ANGPTL5: variants seen among roughly 807,000 people sequenced by gnomAD.
ANGPTL5 encodes the protein angiopoietin-related protein 5.
A neutral mutation model predicts 39.4 loss-of-function variants in ANGPTL5; 34 were observed. The observed-to-expected ratio is 0.86, with a 90% confidence interval of 0.66 to 1.15. ANGPTL5 has a LOEUF of 1.15. Among genes scored for constraint, ANGPTL5 ranks in the 50% most tolerant of loss-of-function variants. The pLI is 0.00. For synonymous variants in ANGPTL5, 146 were observed against 152.1 expected (o/e 0.96, Z 0.29); for missense variants, 467 against 457.5 (o/e 1.02, Z -0.19).
chr11:101,915,506 G>A, intron 1 of ANGPTL5: 1 of 1,462,842 alleles, frequency 6.8e-7, no homozygotes, highest in Non-Finnish European at 9.3e-7. Context: ...GACGCAGGGT[G>A]ATCAAAACTA....
intron 3 of ANGPTL5, among the ~76,000 whole-genome samples, chr11:101,906,738 T>C (rs1325552782): frequency 6.6e-6 from 1 of 152,110 alleles, no homozygotes; most frequent in Non-Finnish European, 1.5e-5. Flanking sequence ...CATTAAAAAA[T>C]CTTGATATTT....
At chr11:101,896,642 T>C (rs1939802155) in intron 7 of ANGPTL5, among the ~76,000 whole-genome samples, 1 of 152,174 alleles carries the variant, frequency 6.6e-6, no homozygotes, top group Non-Finnish European at 1.5e-5. Context: ...TTGCTGAGAA[T>C]GACGGTTTCT....
Position 101,907,999 on chromosome 11 carries a change from C to T in ANGPTL5, c.-90G>A. ...AGAGCATAGAGTCTTCAGTTAAAAA[C>T]CTCTGGAAAGCGTACAACAAAAACA... On this transcript the variant is annotated splice_region_variant and 5_prime_UTR_variant, in exon 2 of 9. Coordinates refer to ENST00000334289, the MANE Select transcript of ANGPTL5 (RefSeq NM_178127.5). 1 of 965,896 alleles carries T rather than the reference C, an allele frequency of 1.0e-6. No individual in the cohort carries two copies. The highest frequency in any genetic ancestry group is 1.6e-6 in the Non-Finnish European group (1 of 617,480). The allele number at this position is 965,896 out of a possible 1,614,324, so 59.8% of individuals were successfully genotyped here.
rs1476886522 is a variant in ANGPTL5, at chr11:101,899,020, T to C, written c.661+1410A>G. Reference sequence around the variant, plus strand: ...AACTTGATCATGGTGGATAAGCTTTTTAATGTGCTGCTGGATTCAGTTTTC... The same window carrying C: ...AACTTGATCATGGTGGATAAGCTTTCTAATGTGCTGCTGGATTCAGTTTTC... On this transcript the variant is annotated intron_variant, in intron 7 of 8. Transcript: ENST00000334289. Among the ~76,000 whole-genome samples the C allele has an allele frequency of 2.0e-5, 3 of 152,358 alleles. No individual in the cohort carries two copies. The South Asian group carries it at 6.2e-4, about 32-fold the overall frequency.
At chr11:101,900,619 TG>T (rs1310528286) in intron 6 of ANGPTL5, 69 bp from the exon 7 acceptor site, 2 of 1,523,458 alleles carry the variant, frequency 1.3e-6, no homozygotes, top group Non-Finnish European at 1.8e-6. Context: ...ATAACACTCA[TG>T]CTTCATCCTT....
intron 1 of ANGPTL5, chr11:101,915,237 A>C (rs765313268): frequency 4.4e-6 from 7 of 1,608,378 alleles, no homozygotes; most frequent in Non-Finnish European, 5.9e-6. Flanking sequence ...CGGAGCTGCC[A>C]TGAGGGAGGT....
At chr11:101,906,145 C>T (rs1363144551) in intron 3 of ANGPTL5, among the ~76,000 whole-genome samples, 6 of 152,044 alleles carry the variant, frequency 3.9e-5, no homozygotes, top group Admixed American at 3.9e-4. Flanking sequence ...TAAATTCTCA[C>T]TTTATAAGAT....
intron 1 of ANGPTL5, among the ~76,000 whole-genome samples, chr11:101,909,221 A>G (rs563726792): frequency 5.9e-5 from 9 of 152,318 alleles, no homozygotes; most frequent in African/African-American, 2.2e-4. Flanking sequence ...ACCACCTACT[A>G]TTTAAACCCA....
rs749530810 is a variant in ANGPTL5, at chr11:101,894,905, T to C, written c.821A>G (p.His274Arg). The C allele has an allele frequency of 3.1e-6, 5 of 1,613,394 alleles. No individual in the cohort carries two copies. Among genetic ancestry groups the C allele is most frequent in the Non-Finnish European group, 2.5e-6 (3 of 1,179,512 alleles). ...LEDETRFFKM[H>R]LGRYSGNAGD... ...AGCATTTCCTGAATACCGTCCTAAG[T>C]GCATTTTAAAAAATCTCGTTTCATC... Residue 274 changes from histidine (H) to arginine (R), a missense_variant, in exon 8 of 9, where the codon CAC becomes CGC. Transcript: ENST00000334289.
At chr11:101,909,007 T>G (rs1412736410) in intron 1 of ANGPTL5, among the ~76,000 whole-genome samples, 1 of 152,148 alleles carries the variant, frequency 6.6e-6, no homozygotes, top group East Asian at 1.9e-4. Context: ...GTCTTCATTA[T>G]TCTAAAATTA....
intron 7 of ANGPTL5, among the ~76,000 whole-genome samples, chr11:101,896,133 A>C (rs1360894080): frequency 6.6e-6 from 1 of 151,658 alleles, no homozygotes; most frequent in Admixed American, 6.6e-5. Flanking sequence ...TTTAAGACTT[A>C]AAAATACATT....
At chr11:101,914,062 C>G (rs963235806) in intron 1 of ANGPTL5, among the ~76,000 whole-genome samples, 12 of 152,160 alleles carry the variant, frequency 7.9e-5, no homozygotes, top group Admixed American at 7.9e-4. Flanking sequence ...TCATTGCAAC[C>G]AAGTTTGCAA....
chr11:101,904,746 G>T lies in ANGPTL5; in HGVS notation c.439+68C>A, dbSNP rs146394142. On this transcript the variant is annotated intron_variant, in intron 5 of 8. Coordinates refer to ENST00000334289, the MANE Select transcript of ANGPTL5 (RefSeq NM_178127.5). ...TTTAAATAAAACTTTTAAATGGATC[G>T]ACCTGTCCAGGAAAATTTTAAGCAA... is the stretch of plus-strand genomic sequence containing the variant. The T allele has an allele frequency of 8.6e-4, 1,175 of 1,364,600 alleles. 11 individuals carry two copies. The African/African-American group carries it at 0.015, about 18-fold the overall frequency. The allele number at this position is 1,364,600 out of a possible 1,614,324, so 84.5% of individuals were successfully genotyped here. A position where few individuals can be genotyped will look rare whatever the true frequency, so the allele number is the denominator to read the frequency against.
intron 7 of ANGPTL5, among the ~76,000 whole-genome samples, chr11:101,896,295 A>G (rs754532788): frequency 6.6e-6 from 1 of 150,468 alleles, no homozygotes; most frequent in Admixed American, 6.6e-5. Context: ...AGCGATTCTC[A>G]TGCCTCAGCC....
At chr11:101,892,877 A>C (rs1376286794) in intron 8 of ANGPTL5, among the ~76,000 whole-genome samples, 3 of 152,218 alleles carry the variant, frequency 2.0e-5, no homozygotes, top group Non-Finnish European at 4.4e-5. Flanking sequence ...CCTATCCTAT[A>C]CCCCAGTTCT....
intron 6 of ANGPTL5, among the ~76,000 whole-genome samples, chr11:101,901,271 T>C (rs762415279): frequency 1.3e-5 from 2 of 151,990 alleles, no homozygotes; most frequent in Non-Finnish European, 2.9e-5. Flanking sequence ...GGCAGAGCAA[T>C]GTATTTCTCT....
intron 5 of ANGPTL5, among the ~76,000 whole-genome samples, chr11:101,903,831 G>A (rs1472175784): frequency 1.3e-5 from 2 of 152,142 alleles, no homozygotes; most frequent in Non-Finnish European, 1.5e-5. Context: ...CTTATCTGAT[G>A]ATGATGATCA....
At chr11:101,900,359 C>A in intron 7 of ANGPTL5, 71 bp downstream of exon 7, 1 of 1,476,048 alleles carries the variant, frequency 6.8e-7, no homozygotes, top group Non-Finnish European at 9.4e-7. Flanking sequence ...ACAGATCTGA[C>A]CAATAGAGGC....
At chr11:101,910,424 A>AAATATAT (rs1469724609) in intron 1 of ANGPTL5, among the ~76,000 whole-genome samples, 1 of 127,218 alleles carries the variant, frequency 7.9e-6, no homozygotes, top group Non-Finnish European at 1.6e-5. Context: ...AAAAAAAAAA[A>AAATATAT]ATATATATAT....
Sources: allele counts gnomAD v4.1 joint callset (sites outside exome capture counted in the v4.1 genomes callset), GRCh38; gene constraint gnomAD v4.1.1; transcripts MANE v1.5; gene names NCBI Gene and HGNC (gene_info 2026-07-23, HGNC 2026-07-21).